USP12: variants seen among roughly 807,000 people sequenced by gnomAD.
USP12 encodes ubiquitin carboxyl-terminal hydrolase 12.
In USP12, 19 loss-of-function variants were observed where a neutral mutation model predicts 45.5. The ratio of observed to expected loss-of-function variants is 0.42; its 90% CI spans 0.29 to 0.61. The LOEUF is 0.61. Ranked by LOEUF, USP12 falls within the 20% of genes least tolerant of loss-of-function variation. The pLI is 0.22. For synonymous variants in USP12, 149 were observed against 148.8 expected, an observed-to-expected ratio of 1.00 and a Z score of -0.01; for missense variants, 242 against 447.7, an observed-to-expected ratio of 0.54 and a Z score of 4.15.
Position 27,069,355 on chromosome 13 carries a change from G to A in USP12, c.1041C>T (p.Phe347=), listed in dbSNP as rs1264693664. ...TTGAGATATCTGATGTCAACCCGTAGAATTCTTCAATAGCTTGTGCATCTA... is the reference window on the plus strand; with the variant it reads ...TTGAGATATCTGATGTCAACCCGTAAAATTCTTCAATAGCTTGTGCATCTA... ...EKIDAQAIEE[F]YGLTSDISKN... is the part of the protein sequence containing the mutation. The change falls in exon 9 of 9, where the codon TTC becomes TTT. Residue 347 remains phenylalanine, a synonymous_variant. Coordinates refer to ENST00000282344, the MANE Select transcript of USP12 (RefSeq NM_182488.4). The A allele has an allele frequency of 6.2e-7, 1 of 1,613,190 alleles. No homozygotes were observed. The highest frequency in any genetic ancestry group is 1.7e-5 in the Admixed American group (1 of 60,004).
intron 1 of USP12, among the ~76,000 whole-genome samples, chr13:27,144,897 C>G (rs1229618731): frequency 6.8e-6 from 1 of 147,866 alleles, no homozygotes; most frequent in Non-Finnish European, 1.5e-5. Flanking sequence ...CTGTCTCTAC[C>G]AAAAAAAGAA....
chr13:27,101,856 A>G (rs1177409544), intron 3 of USP12, among the ~76,000 whole-genome samples: 1 of 152,194 alleles, frequency 6.6e-6, no homozygotes, highest in Non-Finnish European at 1.5e-5. Context: ...CACTTGAGGG[A>G]GACCAAGACT....
chr13:27,160,773 T>C (rs1368229342), intron 1 of USP12, among the ~76,000 whole-genome samples: 1 of 151,132 alleles, frequency 6.6e-6, no homozygotes, highest in Non-Finnish European at 1.5e-5. Context: ...AACCAAAGCA[T>C]CATGTTTCTT....
At chr13:27,110,614 CGCTTAA>C (rs996632055) in intron 2 of USP12, among the ~76,000 whole-genome samples, 17 of 152,218 alleles carry the variant, frequency 1.1e-4, no homozygotes, top group African/African-American at 3.6e-4. Flanking sequence ...GAAAAAGAGG[CGCTTAA>C]GCTTAAGAGG....
At chr13:27,160,090 A>C (rs941076947) in intron 1 of USP12, among the ~76,000 whole-genome samples, 1 of 152,212 alleles carries the variant, frequency 6.6e-6, no homozygotes, top group African/African-American at 2.4e-5. Flanking sequence ...CCTTAAATAC[A>C]TACCATGTGT....
intron 1 of USP12, among the ~76,000 whole-genome samples, chr13:27,145,692 A>G (rs763440245): frequency 6.6e-6 from 1 of 152,184 alleles, no homozygotes; most frequent in Non-Finnish European, 1.5e-5. Context: ...GTTGTTTCAT[A>G]AAGTTGTTTA....
chr13:27,153,059 T>C (rs1877655318), intron 1 of USP12, among the ~76,000 whole-genome samples: 1 of 152,198 alleles, frequency 6.6e-6, no homozygotes, highest in Non-Finnish European at 1.5e-5. Context: ...TGGCCGGGCA[T>C]GGTGGCTCAC....
intron 1 of USP12, among the ~76,000 whole-genome samples, chr13:27,140,433 T>A (rs1481407213): frequency 1.3e-5 from 2 of 152,180 alleles, no homozygotes; most frequent in Admixed American, 1.3e-4. Flanking sequence ...TCTACATCAA[T>A]AAGGAATATT....
At chr13:27,086,197 AATAT>A (rs1555233236) in intron 6 of USP12, among the ~76,000 whole-genome samples, 2 of 56,938 alleles carry the variant, frequency 3.5e-5, no homozygotes, top group Non-Finnish European at 3.1e-5. Context: ...AAAAAAAAAA[AATAT>A]ATATATATAT....
At position 27,156,844 on chromosome 13, in the gene USP12, G is replaced by A. The variant is rs562502069; in HGVS notation, c.48+14748C>T. Reference sequence around the variant, plus strand: ...CTCAAAAAAACAAAAGAGAGAGAGAGAAAAAATGATTTTATGGTTGTCTTT... The same window carrying A: ...CTCAAAAAAACAAAAGAGAGAGAGAAAAAAAATGATTTTATGGTTGTCTTT... On this transcript the variant is annotated intron_variant, in intron 1 of 8. Transcript: ENST00000282344. Among the ~76,000 whole-genome samples, 496 of 151,970 alleles carry A rather than the reference G, an allele frequency of 3.3e-3. 35 individuals carry two copies. In the South Asian group the frequency reaches 0.098, roughly 30 times the overall value.
At chr13:27,167,049 TA>T (rs1878378491) in intron 1 of USP12, among the ~76,000 whole-genome samples, 1 of 152,036 alleles carries the variant, frequency 6.6e-6, no homozygotes, top group South Asian at 2.1e-4. Flanking sequence ...AAAAGTTAAA[TA>T]AAATATGCTC....
chr13:27,112,302 T>TC (rs949085330), intron 2 of USP12, among the ~76,000 whole-genome samples: 3 of 151,502 alleles, frequency 2.0e-5, no homozygotes, highest in African/African-American at 7.3e-5. Flanking sequence ...TTTTTTTTTT[T>TC]CCTGAGACAG....
At chr13:27,143,269 TAGG>T (rs1333005459) in intron 1 of USP12, among the ~76,000 whole-genome samples, 11 of 151,746 alleles carry the variant, frequency 7.2e-5, no homozygotes, top group African/African-American at 1.5e-4. Context: ...AAAAAAGAAG[TAGG>T]AGAACAATAA....
intron 1 of USP12, among the ~76,000 whole-genome samples, chr13:27,136,112 A>C (rs969660482): frequency 1.3e-5 from 2 of 152,166 alleles, no homozygotes; most frequent in Non-Finnish European, 2.9e-5. Context: ...TGTTTAACCC[A>C]CTGCCTTCCT....
chr13:27,097,034 T>G (rs189668839), intron 3 of USP12, among the ~76,000 whole-genome samples: 1 of 152,020 alleles, frequency 6.6e-6, no homozygotes, highest in East Asian at 1.9e-4. Context: ...ATTAACATTT[T>G]CAACATATAA....
At chr13:27,131,751 A>G (rs1876512473) in intron 1 of USP12, among the ~76,000 whole-genome samples, 1 of 152,232 alleles carries the variant, frequency 6.6e-6, no homozygotes, top group African/African-American at 2.4e-5. Flanking sequence ...AACTGTAAAG[A>G]GGGTGTAAAA....
Position 27,095,696 on chromosome 13 carries a change from T to C in USP12, c.478A>G (p.Asn160Asp), listed in dbSNP as rs1593181538. The C allele has an allele frequency of 3.7e-6, 6 of 1,613,290 alleles. No homozygotes were observed. Among genetic ancestry groups the C allele is most frequent in the Non-Finnish European group, 5.1e-6 (6 of 1,179,542 alleles). Reference protein sequence around the residue: ...NGRLPNGNIDNENNNSTPDPT... With the variant: ...NGRLPNGNIDDENNNSTPDPT... ...TCTGGTGTGCTGTTATTATTTTCAT[T>C]ATCAATATTACCATTAGGTAAACGA... The change falls in exon 4 of 9, where the codon AAT (asparagine) becomes GAT (aspartate). Residue 160 changes from asparagine (N) to aspartate (D), a missense_variant. Physicochemically the swap from Asn to Asp is conservative, Grantham distance 23 (BLOSUM62 1). Transcript: ENST00000282344.
Position 27,135,050 on chromosome 13 carries a change from C to T in USP12, c.49-18454G>A, listed in dbSNP as rs58332072. 5.3e-3 allele frequency among the ~76,000 whole-genome samples: 803 copies of T among 152,186 alleles called. 5 individuals carry two copies. The highest frequency in any genetic ancestry group is 0.019 in the African/African-American group (772 of 41,516). On this transcript the variant is annotated intron_variant, in intron 1 of 8. Transcript: ENST00000282344. ...CTGCAATCCCAGCACTTTGGGAGGA[C>T]GAGGTGGGCAAATCCCTTGAGCCCA... is the stretch of plus-strand genomic sequence containing the variant.
chr13:27,122,094 G>T (rs891975319), intron 1 of USP12, among the ~76,000 whole-genome samples: 1 of 151,072 alleles, frequency 6.6e-6, no homozygotes, highest in Non-Finnish European at 1.5e-5. Context: ...CTTTGGGGAG[G>T]CTAAGGCAGG....
Sources: allele counts gnomAD v4.1 joint callset (sites outside exome capture counted in the v4.1 genomes callset), GRCh38; gene constraint gnomAD v4.1.1; transcripts MANE v1.5; gene names NCBI Gene and HGNC (gene_info 2026-07-23, HGNC 2026-07-21).